Variants in KANK1 observed in about 807,000 individuals in gnomAD.
The protein encoded by KANK1 is KN motif and ankyrin repeat domains 1.
In KANK1, 109 loss-of-function variants were observed where a neutral mutation model predicts 106.2. The observed-to-expected ratio is 1.03, with a 90% confidence interval of 0.88 to 1.20. KANK1 has a LOEUF of 1.20. Ranked by LOEUF, KANK1 falls within the 50% of genes most tolerant of loss-of-function variation. The pLI is 0.00. For synonymous variants in KANK1, 873 were observed against 652.2 expected (o/e 1.34, Z -5.16); for missense variants, 2,399 against 1,710.7 (o/e 1.40, Z -7.10).
chr9:687,969 C>T (rs982218492), intron 2 of KANK1, among the ~76,000 whole-genome samples: 1 of 152,162 alleles, frequency 6.6e-6, no homozygotes, highest in Non-Finnish European at 1.5e-5. Context: ...ATTCAATGTT[C>T]AACCAGCAAA....
chr9:578,482 G>A (rs544247036), intron 1 of KANK1, among the ~76,000 whole-genome samples: 107 of 151,408 alleles, frequency 7.1e-4, no homozygotes, highest in African/African-American at 2.4e-3. Flanking sequence ...TTTGTTGGGC[G>A]GCAGGGAGGG....
intron 1 of KANK1, among the ~76,000 whole-genome samples, chr9:619,100 T>C (rs1380098054): frequency 6.6e-6 from 1 of 152,222 alleles, no homozygotes; most frequent in African/African-American, 2.4e-5. Context: ...AAGCCTCTCT[T>C]TTTAAATGCT....
chr9:594,653 G>A (rs906490792), intron 1 of KANK1, among the ~76,000 whole-genome samples: 1 of 151,768 alleles, frequency 6.6e-6, no homozygotes, highest in South Asian at 2.1e-4. Flanking sequence ...GAATCCCTGA[G>A]TGTTTTTTTG....
At chr9:590,242 T>C (rs1824508698) in intron 1 of KANK1, among the ~76,000 whole-genome samples, 1 of 152,144 alleles carries the variant, frequency 6.6e-6, no homozygotes, top group Admixed American at 6.5e-5. Flanking sequence ...GCAATAGTTT[T>C]GTTTTGTGTT....
At chr9:657,703 C>G (rs1435765054) in intron 1 of KANK1, among the ~76,000 whole-genome samples, 2 of 152,058 alleles carry the variant, frequency 1.3e-5, no homozygotes, top group Non-Finnish European at 2.9e-5. Context: ...GGTGCGTATG[C>G]TGCGTTGGTA....
intron 1 of KANK1, among the ~76,000 whole-genome samples, chr9:616,414 C>G (rs997988549): frequency 1.1e-4 from 16 of 152,150 alleles, no homozygotes; most frequent in African/African-American, 3.9e-4. Context: ...ACTGCATAGC[C>G]AGATCTTTAA....
intron 1 of KANK1, among the ~76,000 whole-genome samples, chr9:598,615 G>GTTTTTTTTTTTTTTTTTTTTT (rs1306483082): frequency 1.4e-5 from 1 of 73,332 alleles, no homozygotes; most frequent in Admixed American, 1.6e-4. Flanking sequence ...TGTTTTGTTG[G>GTTTTTTTTTTTTTTTTTTTTT]TTTTCTTTTT....
rs191670486 is a variant in KANK1 at position 694,755 on chromosome 9, C to G, written c.38-16049C>G. On this transcript the variant is annotated intron_variant, in intron 2 of 11. Coordinates refer to ENST00000382297, the MANE Select transcript of KANK1 (RefSeq NM_015158.5). The stretch of plus-strand genomic sequence containing the variant: ...GCAGCCTGGCTTCTGGCCTCTTAAC[C>G]CATGCCCAGAGTAGAATTGGCAATA... Among the ~76,000 whole-genome samples the G allele has an allele frequency of 2.6e-3, 398 of 152,226 alleles. 3 individuals carry two copies. Among genetic ancestry groups the G allele is most frequent in the African/African-American group, 8.7e-3 (361 of 41,508 alleles).
intron 1 of KANK1, among the ~76,000 whole-genome samples, chr9:676,421 C>T (rs527669703): frequency 3.9e-5 from 6 of 152,194 alleles, no homozygotes; most frequent in African/African-American, 1.4e-4. Context: ...AGAAAGACTT[C>T]GGATATCTCA....
In KANK1 at chr9:645,439, T is replaced by TAAAA. The variant is rs376740141; in HGVS notation, c.-83-31432_-83-31429dup. 5.0e-4 allele frequency among the ~76,000 whole-genome samples: 35 copies of TAAAA among 70,266 alleles called. 1 individual carries two copies. Among genetic ancestry groups the TAAAA allele is most frequent in the African/African-American group, 2.1e-3 (33 of 15,648 alleles). The allele number at this position is 70,266 out of a possible 152,430, so 46.1% of individuals were successfully genotyped here. A position where few individuals can be genotyped will look rare whatever the true frequency, so the allele number is the denominator to read the frequency against. On this transcript the variant is annotated intron_variant, in intron 1 of 11. Coordinates refer to ENST00000382297, the MANE Select transcript of KANK1 (RefSeq NM_015158.5). ...TGTGTGACACAATGAGACTGTGTCTTAAAAAAAAAAAAAAAAAAAAAAGGC... is the reference window on the plus strand; with the variant it reads ...TGTGTGACACAATGAGACTGTGTCTTAAAAAAAAAAAAAAAAAAAAAAAAAAGGC...
chr9:523,067 TTAAG>T (rs1438230464), intron 1 of KANK1, among the ~76,000 whole-genome samples: 4 of 151,702 alleles, frequency 2.6e-5, no homozygotes, highest in Admixed American at 2.6e-4. Flanking sequence ...TCTCATGGCT[TTAAG>T]TGTGGTTGAT....
intron 1 of KANK1, among the ~76,000 whole-genome samples, chr9:604,287 G>C (rs1348527778): frequency 6.6e-6 from 1 of 151,672 alleles, no homozygotes; most frequent in Non-Finnish European, 1.5e-5. Flanking sequence ...ATGTGGTTTG[G>C]CTGTGTGTCC....
intron 1 of KANK1, among the ~76,000 whole-genome samples, chr9:639,431 C>G (rs910324733): frequency 6.6e-6 from 1 of 152,246 alleles, no homozygotes; most frequent in African/African-American, 2.4e-5. Flanking sequence ...ATTCTTTTGC[C>G]TCAGCCTCCC....
At chr9:497,541 T>C (rs10120682) in intron 3 of KANK1, among the ~76,000 whole-genome samples, 5,979 of 142,792 alleles carry the variant, frequency 0.042, 382 homozygotes, top group African/African-American at 0.17. Flanking sequence ...ACAAAAACTT[T>C]CAAAAAACCC....
chr9:741,688 C>T (rs919346312), intron 9 of KANK1, among the ~76,000 whole-genome samples: 1 of 151,970 alleles, frequency 6.6e-6, no homozygotes, highest in Non-Finnish European at 1.5e-5. Flanking sequence ...AAGGTTTCAC[C>T]GTGTTAGCCA....
intron 2 of KANK1, among the ~76,000 whole-genome samples, chr9:689,410 C>G (rs556170735): frequency 6.6e-6 from 1 of 152,316 alleles, no homozygotes; most frequent in African/African-American, 2.4e-5. Flanking sequence ...GGGGCACACC[C>G]TCCTCATGTG....
chr9:491,425 G>A (rs377146201), intron 3 of KANK1, among the ~76,000 whole-genome samples: 40 of 151,948 alleles, frequency 2.6e-4, no homozygotes, highest in African/African-American at 7.7e-4. Flanking sequence ...GCATCACCAC[G>A]CCCAGCTAAT....
chr9:680,759 C>G (rs1817386559), intron 2 of KANK1: 1 of 152,176 alleles, frequency 6.6e-6, no homozygotes. Flanking sequence ...TGGTGCTCCA[C>G]TTTCGTGCGC....
At chr9:736,708 A>AT (rs1833895333) in intron 7 of KANK1, among the ~76,000 whole-genome samples, 1 of 152,150 alleles carries the variant, frequency 6.6e-6, no homozygotes, top group Non-Finnish European at 1.5e-5. Context: ...AAAAAAAAAA[A>AT]AAATTCCTAG....
Sources: allele counts gnomAD v4.1 joint callset (sites outside exome capture counted in the v4.1 genomes callset), GRCh38; gene constraint gnomAD v4.1.1; transcripts MANE v1.5; gene names NCBI Gene and HGNC (gene_info 2026-07-23, HGNC 2026-07-21).